Variants in DYTN observed in about 807,000 individuals in gnomAD.
DYTN encodes dystrotelin.
In DYTN, 75 loss-of-function variants were observed where a neutral mutation model predicts 69.6. The observed-to-expected ratio is 1.08, with a 90% confidence interval of 0.89 to 1.31. The LOEUF is 1.31. DYTN is among the 50% of genes most tolerant of loss of function. The pLI, the probability that DYTN is intolerant of heterozygous loss-of-function variation, is 0.00. For missense variants in DYTN, 726 were observed against 688.4 expected (o/e 1.05, Z -0.61); for synonymous variants, 252 against 249.1 (o/e 1.01, Z -0.11).
chr2:206,696,290 T>C (rs1370820571), intron 7 of DYTN, among the ~76,000 whole-genome samples: 1 of 152,218 alleles, frequency 6.6e-6, no homozygotes, highest in Non-Finnish European at 1.5e-5. Flanking sequence ...CTAACTGCCC[T>C]GAATAACAGC....
chr2:206,705,940 T>C, intron 3 of DYTN, 67 bp from the exon 4 acceptor site: 1 of 1,537,446 alleles, frequency 6.5e-7, no homozygotes. Context: ...TAATGGATGA[T>C]AAAAACCATA....
chr2:206,683,326 C>G (rs1699771331), intron 9 of DYTN, among the ~76,000 whole-genome samples: 2 of 143,484 alleles, frequency 1.4e-5, no homozygotes, highest in Admixed American at 1.4e-4. Flanking sequence ...CTCACCTCTT[C>G]TTTTTACTTT....
intron 3 of DYTN, among the ~76,000 whole-genome samples, chr2:206,706,141 G>T (rs1479411315): frequency 2.6e-5 from 4 of 152,160 alleles, no homozygotes; most frequent in Admixed American, 6.5e-5. Flanking sequence ...AGGCATCAGG[G>T]ATGCAGGGAT....
intron 9 of DYTN, among the ~76,000 whole-genome samples, chr2:206,670,099 T>G (rs2105890373): frequency 6.6e-6 from 1 of 152,364 alleles, no homozygotes. Flanking sequence ...CAGTTTCCAT[T>G]CAGCCTAATA....
At chr2:206,667,943 T>G (rs964949675) in intron 9 of DYTN, among the ~76,000 whole-genome samples, 2 of 152,124 alleles carry the variant, frequency 1.3e-5, no homozygotes, top group African/African-American at 4.8e-5. Flanking sequence ...GGTCTTGAAA[T>G]TTAGTTTGGG....
chr2:206,668,431 T>G (rs533133918), intron 9 of DYTN, among the ~76,000 whole-genome samples: 66 of 152,356 alleles, frequency 4.3e-4, no homozygotes, highest in African/African-American at 1.5e-3. Flanking sequence ...AATCACCTGG[T>G]GCCAATATTG....
chr2:206,674,256 T>G (rs541089528), intron 9 of DYTN, among the ~76,000 whole-genome samples: 2 of 152,238 alleles, frequency 1.3e-5, no homozygotes, highest in South Asian at 4.1e-4. Context: ...TTGAGCATAT[T>G]TGAGTTGAAT....
rs371195883 is a variant in DYTN, at chr2:206,659,053, G to A, written c.1633+3850C>T. ...CACTTTTCCAAATTTATTTTTTACTGCAATTTTTATGCAAATTATTCACTA... is the reference window on the plus strand; with the variant it reads ...CACTTTTCCAAATTTATTTTTTACTACAATTTTTATGCAAATTATTCACTA... On this transcript the variant is annotated intron_variant, in intron 11 of 11. Transcript: ENST00000452335. 2.0e-4 allele frequency among the ~76,000 whole-genome samples: 30 copies of A among 146,482 alleles called. 1 individual carries two copies. The highest frequency in any genetic ancestry group is 8.0e-4 in the East Asian group (4 of 4,984).
At chr2:206,678,378 G>T (rs992712255) in intron 9 of DYTN, among the ~76,000 whole-genome samples, 1 of 152,162 alleles carries the variant, frequency 6.6e-6, no homozygotes, top group Admixed American at 6.5e-5. Context: ...TTTCTAAAAG[G>T]CAATTTTGCA....
At chr2:206,693,438 C>T in intron 8 of DYTN, 115 bp from the exon 9 acceptor site, 1 of 1,333,552 alleles carries the variant, frequency 7.5e-7, no homozygotes, top group Non-Finnish European at 1.0e-6. Flanking sequence ...TCTCTTAAGT[C>T]CTCAGAAAAA....
intron 5 of DYTN, among the ~76,000 whole-genome samples, chr2:206,703,159 A>C (rs965762491): frequency 2.6e-5 from 4 of 152,222 alleles, no homozygotes; most frequent in Non-Finnish European, 4.4e-5. Flanking sequence ...CCTCATTTGA[A>C]CCTGAAACAA....
In DYTN at chr2:206,699,853, G is replaced by A. The variant is rs768709218; in HGVS notation, c.593C>T (p.Ser198Phe). Residue 198 changes from serine (S) to phenylalanine (F), a missense_variant, in exon 7 of 12, where the codon TCT becomes TTT. By Grantham distance (155) the Ser-to-Phe change is radical. Transcript: ENST00000452335. ...GATGGGAGGCTCAGATTGGACCCAA[G>A]ACAGGAATTTTTCTTCTTTGATTGC... ...SPAIKEEKFL[S>F]WVQSEPPILL... The A allele has an allele frequency of 6.2e-7, 1 of 1,613,690 alleles. No individual in the cohort carries two copies. The highest frequency in any genetic ancestry group is 8.5e-7 in the Non-Finnish European group (1 of 1,179,786).
At chr2:206,690,219 G>C (rs577319873) in intron 9 of DYTN, among the ~76,000 whole-genome samples, 5 of 152,168 alleles carry the variant, frequency 3.3e-5, no homozygotes, top group Non-Finnish European at 5.9e-5. Flanking sequence ...GTCAAGCCAC[G>C]CAGGGAGGTG....
chr2:206,695,034 AATGACT>A (rs2105898010), intron 7 of DYTN, among the ~76,000 whole-genome samples, 157 bp from the exon 8 acceptor site: 1 of 152,300 alleles, frequency 6.6e-6, no homozygotes, highest in Admixed American at 6.5e-5. Flanking sequence ...AGGATTATTA[AATGACT>A]CTAATGCGTT....
chr2:206,666,111 TC>T, intron 9 of DYTN, 82 bp from the exon 10 acceptor site: 1 of 1,500,894 alleles, frequency 6.7e-7, no homozygotes, highest in East Asian at 2.3e-5. Flanking sequence ...TGTATTCCGG[TC>T]CTTTTTGTGG....
At chr2:206,708,039 C>G (rs1172223684) in intron 2 of DYTN, among the ~76,000 whole-genome samples, 1 of 152,192 alleles carries the variant, frequency 6.6e-6, no homozygotes, top group Non-Finnish European at 1.5e-5. Context: ...CTGTAAAGAT[C>G]TTTAGGCTAA....
At chr2:206,680,249 A>G (rs537799124) in intron 9 of DYTN, among the ~76,000 whole-genome samples, 2 of 152,228 alleles carry the variant, frequency 1.3e-5, no homozygotes, top group East Asian at 3.9e-4. Flanking sequence ...CCTTTATAAA[A>G]CCATCAGATC....
chr2:206,704,813 A>T, intron 5 of DYTN, 30 bp downstream of exon 5: 1 of 1,572,998 alleles, frequency 6.4e-7, no homozygotes, highest in Non-Finnish European at 8.7e-7. Context: ...ACTGAAACAA[A>T]TGTACAGTTC....
At chr2:206,716,102 A>T (rs1700128021) in intron 1 of DYTN, among the ~76,000 whole-genome samples, 1 of 152,180 alleles carries the variant, frequency 6.6e-6, no homozygotes, top group Non-Finnish European at 1.5e-5. Context: ...ACAAACAAAC[A>T]AACAAAAAAC....
Sources: allele counts gnomAD v4.1 joint callset (sites outside exome capture counted in the v4.1 genomes callset), GRCh38; gene constraint gnomAD v4.1.1; transcripts MANE v1.5; gene names NCBI Gene and HGNC (gene_info 2026-07-23, HGNC 2026-07-21).